FBXO34: variants seen among roughly 807,000 people sequenced by gnomAD.
The protein encoded by FBXO34 is F-box protein 34.
In FBXO34, 12 loss-of-function variants were observed where a neutral mutation model predicts 24.5. The observed-to-expected ratio is 0.49, with a 90% CI of 0.31 to 0.79. The LOEUF is 0.79. Ranked by LOEUF, FBXO34 falls within the 30% of genes least tolerant of loss-of-function variation. FBXO34 has a pLI of 0.04. For missense variants in FBXO34, 823 were observed against 857.7 expected, an observed-to-expected ratio of 0.96 and a Z score of 0.51; for synonymous variants, 320 against 311.9, an observed-to-expected ratio of 1.03 and a Z score of -0.27.
the FBXO34 span, among the ~76,000 whole-genome samples, chr14:55,394,248 A>C: frequency 2.0e-5 from 3 of 151,780 alleles, no homozygotes; most frequent in East Asian, 5.8e-4. Context: ...CTTGTGATCC[A>C]CTTGCCTCAG....
chr14:55,354,974 C>G (rs1238645696), downstream of FBXO34: 1 of 152,114 alleles, frequency 6.6e-6, no homozygotes, highest in Non-Finnish European at 1.5e-5. Context: ...CCTGCCCCCA[C>G]CAAAAAAGAG....
intron 1 of FBXO34, among the ~76,000 whole-genome samples, chr14:55,290,365 C>CT (rs1462691242): frequency 9.3e-5 from 14 of 151,184 alleles, no homozygotes; most frequent in African/African-American, 3.2e-4. Context: ...GCACTCAAGC[C>CT]TGGGGGCAAG....
At chr14:55,389,287 C>T in the FBXO34 span, among the ~76,000 whole-genome samples, 1 of 152,206 alleles carries the variant, frequency 6.6e-6, no homozygotes, top group Admixed American at 6.5e-5. Context: ...CCCTGAATAT[C>T]ATGGTAAGAC....
intron 1 of FBXO34, among the ~76,000 whole-genome samples, chr14:55,293,288 A>G (rs1409066561): frequency 6.9e-6 from 1 of 145,520 alleles, no homozygotes; most frequent in Admixed American, 6.9e-5. Context: ...GATGATTCTT[A>G]TGCCTCAGCC....
rs189072325 is a variant in FBXO34, at chr14:55,313,071, C to G, written c.-10-37310C>G. Among the ~76,000 whole-genome samples, 297 of 152,184 alleles carry G rather than the reference C, an allele frequency of 2.0e-3. 1 individual carries two copies. Among genetic ancestry groups the G allele is most frequent in the African/African-American group, 6.6e-3 (273 of 41,524 alleles). On this transcript the variant is annotated intron_variant, in intron 1 of 1. Coordinates refer to ENST00000313833, the MANE Select transcript of FBXO34 (RefSeq NM_017943.4). ...TTAAACTTAAGTTCCAATTCCAAAC[C>G]ATCTCTTTGTGAATGCTTAGAACTG...
the FBXO34 span, among the ~76,000 whole-genome samples, chr14:55,435,551 G>A: frequency 6.6e-6 from 1 of 152,150 alleles, no homozygotes; most frequent in Non-Finnish European, 1.5e-5. Flanking sequence ...TGGGATTACA[G>A]GAGTGAGCCA....
chr14:55,390,989 A>T, the FBXO34 span: 1 of 1,602,818 alleles, frequency 6.2e-7, no homozygotes, highest in Non-Finnish European at 8.5e-7. Flanking sequence ...ATTATTTTCC[A>T]TCTCTGAAAA....
chr14:55,411,642 T>C, the FBXO34 span: 1 of 1,613,106 alleles, frequency 6.2e-7, no homozygotes, highest in African/African-American at 1.3e-5. Context: ...AAATCGCCGC[T>C]CTGAACGCAT....
chr14:55,408,203 C>T, the FBXO34 span, among the ~76,000 whole-genome samples: 3 of 151,838 alleles, frequency 2.0e-5, no homozygotes, highest in Admixed American at 6.6e-5. Flanking sequence ...CTGTAATTCC[C>T]GCACTTGGGG....
chr14:55,354,775 T>G (rs1884495253), downstream of FBXO34, among the ~76,000 whole-genome samples: 1 of 152,170 alleles, frequency 6.6e-6, no homozygotes, highest in Non-Finnish European at 1.5e-5. Context: ...GCTTTCCTCT[T>G]AGGTGAAAGA....
At chr14:55,396,923 A>T in the FBXO34 span, among the ~76,000 whole-genome samples, 1 of 152,324 alleles carries the variant, frequency 6.6e-6, no homozygotes, top group Non-Finnish European at 1.5e-5. Flanking sequence ...TGAGGATAGG[A>T]TTCCAAGAAT....
At chr14:55,381,933 T>G in the FBXO34 span, 1 of 1,574,376 alleles carries the variant, frequency 6.4e-7, no homozygotes. Context: ...TCTCTATATA[T>G]AGATTTCAAA....
intron 1 of FBXO34, among the ~76,000 whole-genome samples, chr14:55,283,444 G>A (rs754312432): frequency 2.5e-4 from 38 of 150,842 alleles, no homozygotes; most frequent in Non-Finnish European, 4.3e-4. Context: ...ATAGCAGTCT[G>A]TAAGAATTTA....
chr14:55,348,704 A>G (rs759891109), intron 1 of FBXO34, among the ~76,000 whole-genome samples: 1 of 152,236 alleles, frequency 6.6e-6, no homozygotes, highest in African/African-American at 2.4e-5. Flanking sequence ...AACACTTTGT[A>G]TGCTTTAAAT....
At chr14:55,389,147 T>G in the FBXO34 span, among the ~76,000 whole-genome samples, 1 of 152,150 alleles carries the variant, frequency 6.6e-6, no homozygotes, top group African/African-American at 2.4e-5. Flanking sequence ...GTGGTGGTTG[T>G]TTTTGTTTTT....
intron 1 of FBXO34, among the ~76,000 whole-genome samples, chr14:55,346,502 T>A (rs1475354013): frequency 3.3e-5 from 5 of 152,196 alleles, no homozygotes; most frequent in African/African-American, 4.8e-5. Context: ...CAGGTGAGTA[T>A]GTCTACCAGG....
At chr14:55,391,046 G>T in the FBXO34 span, 2 of 1,209,576 alleles carry the variant, frequency 1.7e-6, no homozygotes, top group Non-Finnish European at 2.4e-6. Context: ...TGGTTAATAT[G>T]ATTATCTACC....
intron 1 of FBXO34, among the ~76,000 whole-genome samples, chr14:55,348,027 C>T (rs1296218774): frequency 1.3e-5 from 2 of 152,148 alleles, no homozygotes; most frequent in Admixed American, 1.3e-4. Context: ...ATATGTCATC[C>T]GTTCTTGAAT....
chr14:55,358,924 A>G (rs2140101529), intron 3 of FBXO34, among the ~76,000 whole-genome samples: 1 of 152,064 alleles, frequency 6.6e-6, no homozygotes, highest in East Asian at 1.9e-4. Context: ...TGTGGTTGGG[A>G]TGATGGTTCC....
Sources: allele counts gnomAD v4.1 joint callset (sites outside exome capture counted in the v4.1 genomes callset), GRCh38; gene constraint gnomAD v4.1.1; transcripts MANE v1.5; gene names NCBI Gene and HGNC (gene_info 2026-07-23, HGNC 2026-07-21).